SPTLC3: variants seen among roughly 807,000 people sequenced by gnomAD.
The protein encoded by SPTLC3 is serine palmitoyltransferase 3.
SPTLC3 carries 36 observed loss-of-function variants against 59.3 expected under a neutral mutation model. The observed-to-expected ratio is 0.61, with a 90% CI of 0.47 to 0.80. The LOEUF (loss-of-function observed/expected upper bound fraction) is 0.80, where lower values mean the gene tolerates loss of function less well. Ranked by LOEUF, SPTLC3 falls within the 30% of genes least tolerant of loss-of-function variation. The pLI is 0.00. For missense variants in SPTLC3, 625 were observed against 685.1 expected (o/e 0.91, Z 0.98); for synonymous variants, 257 against 240.8 (o/e 1.07, Z -0.62).
intron 1 of SPTLC3, among the ~76,000 whole-genome samples, chr20:13,038,062 T>A (rs1986816572): frequency 7.7e-6 from 1 of 129,548 alleles, no homozygotes; most frequent in Non-Finnish European, 1.6e-5. Flanking sequence ...ATATATATAA[T>A]ATATCTTCAT....
At chr20:13,132,171 A>ATTTTTTT (rs35718222) in intron 9 of SPTLC3, among the ~76,000 whole-genome samples, 10 of 104,000 alleles carry the variant, frequency 9.6e-5, no homozygotes, top group African/African-American at 1.1e-4. Flanking sequence ...CCTTGCTTTA[A>ATTTTTTT]TTTTTTTTTT....
intron 7 of SPTLC3, among the ~76,000 whole-genome samples, chr20:13,110,917 A>C (rs927645883): frequency 6.6e-6 from 1 of 152,152 alleles, no homozygotes; most frequent in African/African-American, 2.4e-5. Flanking sequence ...GTTCAACTTT[A>C]AGACAAGGAG....
chr20:13,074,226 C>T, intron 3 of SPTLC3, 123 bp from the exon 4 acceptor site: 1 of 1,228,882 alleles, frequency 8.1e-7, no homozygotes, highest in Non-Finnish European at 1.2e-6. Context: ...TCTGAGCTGC[C>T]ATCTCCTTGG....
At chr20:13,121,946 A>C (rs1260551980) in intron 8 of SPTLC3, among the ~76,000 whole-genome samples, 5 of 152,232 alleles carry the variant, frequency 3.3e-5, no homozygotes, top group Admixed American at 3.3e-4. Flanking sequence ...TCTGTGAATT[A>C]GGGTTGGGGA....
chr20:13,051,221 ATAAACT>A (rs55691117), intron 2 of SPTLC3, among the ~76,000 whole-genome samples: 151,500 of 152,148 alleles, frequency 1, 75,431 homozygotes, highest in Middle Eastern at 1. Flanking sequence ...AAGGACTCAC[ATAAACT>A]TAAAGTAAAC....
At chr20:13,062,475 A>C (rs1199283262) in intron 2 of SPTLC3, among the ~76,000 whole-genome samples, 2 of 152,224 alleles carry the variant, frequency 1.3e-5, no homozygotes, top group Non-Finnish European at 2.9e-5. Context: ...ATAATACAGA[A>C]ACATATATAT....
chr20:13,047,577 A>G (rs955389066), intron 1 of SPTLC3, among the ~76,000 whole-genome samples: 3 of 152,132 alleles, frequency 2.0e-5, no homozygotes, highest in Non-Finnish European at 4.4e-5. Flanking sequence ...ATGAATGTAT[A>G]AATATTTATT....
intron 11 of SPTLC3, among the ~76,000 whole-genome samples, chr20:13,160,510 T>C (rs951613297): frequency 1.3e-5 from 2 of 152,210 alleles, no homozygotes; most frequent in East Asian, 3.8e-4. Context: ...TAATAAAATA[T>C]GACCCAACTA....
chr20:13,128,746 A>G (rs1190480054), intron 9 of SPTLC3, among the ~76,000 whole-genome samples: 1 of 151,998 alleles, frequency 6.6e-6, no homozygotes, highest in Non-Finnish European at 1.5e-5. Context: ...GCTGAAGGGC[A>G]GTGACATGAT....
intron 1 of SPTLC3, among the ~76,000 whole-genome samples, chr20:13,036,369 T>A (rs534898630): frequency 7.2e-5 from 11 of 152,096 alleles, no homozygotes; most frequent in Admixed American, 4.6e-4. Context: ...CTCCTCCTCC[T>A]CCTCAGCCTA....
chr20:13,032,370 C>T (rs17812091), intron 1 of SPTLC3, among the ~76,000 whole-genome samples: 8,398 of 152,286 alleles, frequency 0.055, 275 homozygotes, highest in South Asian at 0.082. Flanking sequence ...ATTTCTTCTG[C>T]AGTTCTGATA....
intron 6 of SPTLC3, among the ~76,000 whole-genome samples, chr20:13,104,846 G>A (rs1215197296): frequency 6.6e-6 from 1 of 152,070 alleles, no homozygotes; most frequent in Admixed American, 6.5e-5. Context: ...GAACAGGTTT[G>A]TTTGGAGGGC....
At chr20:13,014,017 C>T (rs762074081) in intron 1 of SPTLC3, among the ~76,000 whole-genome samples, 1 of 152,212 alleles carries the variant, frequency 6.6e-6, no homozygotes, top group Non-Finnish European at 1.5e-5. Context: ...CATGTGGTCT[C>T]ATTATTCTGC....
chr20:13,142,066 G>A (rs530922144), intron 9 of SPTLC3, among the ~76,000 whole-genome samples: 2 of 152,338 alleles, frequency 1.3e-5, no homozygotes, highest in South Asian at 2.1e-4. Flanking sequence ...CTAGCAAACT[G>A]TTCCAGAACC....
chr20:13,133,472 A>T (rs1193472085), intron 9 of SPTLC3, among the ~76,000 whole-genome samples: 1 of 152,126 alleles, frequency 6.6e-6, no homozygotes. Context: ...GGTGGCTCAC[A>T]CCTGTAATCC....
intron 1 of SPTLC3, among the ~76,000 whole-genome samples, chr20:13,010,040 C>CTT (rs745481257): frequency 0.012 from 1,638 of 139,198 alleles, 31 homozygotes; most frequent in African/African-American, 0.042. Flanking sequence ...CAACTTGACA[C>CTT]TTTTTTTTTT....
intron 1 of SPTLC3, among the ~76,000 whole-genome samples, chr20:13,014,218 T>C (rs1985403247): frequency 6.6e-6 from 1 of 152,172 alleles, no homozygotes; most frequent in Non-Finnish European, 1.5e-5. Context: ...CAAAGTCACA[T>C]TGAAAAAGGT....
intron 2 of SPTLC3, among the ~76,000 whole-genome samples, chr20:13,058,047 A>G (rs770147672): frequency 6.6e-6 from 1 of 152,228 alleles, no homozygotes; most frequent in Non-Finnish European, 1.5e-5. Context: ...CTGTGTTCAC[A>G]TTAAATCCAG....
intron 1 of SPTLC3, among the ~76,000 whole-genome samples, chr20:13,033,784 T>C (rs1986607704): frequency 6.6e-6 from 1 of 152,178 alleles, no homozygotes; most frequent in Admixed American, 6.6e-5. Context: ...AAAAAATCTT[T>C]AAAATATTAT....
Sources: allele counts gnomAD v4.1 joint callset (sites outside exome capture counted in the v4.1 genomes callset), GRCh38; gene constraint gnomAD v4.1.1; transcripts MANE v1.5; gene names NCBI Gene and HGNC (gene_info 2026-07-23, HGNC 2026-07-21).